The following SLC2A12 variants were observed in gnomAD, a reference collection of about 807,000 sequenced individuals.
SLC2A12 encodes the protein solute carrier family 2 member 12.
In SLC2A12, 23 loss-of-function variants were observed where a neutral mutation model predicts 41.8. The observed-to-expected ratio is 0.55, with a 90% CI of 0.40 to 0.78. The LOEUF is 0.78. SLC2A12 is among the 30% of genes least tolerant of loss of function. The pLI is 0.00. For synonymous variants in SLC2A12, 295 were observed against 285.9 expected (o/e 1.03, Z -0.32); for missense variants, 654 against 745.6 (o/e 0.88, Z 1.43).
At chr6:134,002,850 A>G (rs1776768841) in intron 3 of SLC2A12, among the ~76,000 whole-genome samples, 1 of 152,218 alleles carries the variant, frequency 6.6e-6, no homozygotes, top group Admixed American at 6.5e-5. Context: ...TCTCATCTGC[A>G]AACCTAGTTT....
At chr6:134,018,124 CCT>C (rs1345121976) in intron 2 of SLC2A12, among the ~76,000 whole-genome samples, 1 of 152,044 alleles carries the variant, frequency 6.6e-6, no homozygotes, top group African/African-American at 2.4e-5. Context: ...TTAAGCACAT[CCT>C]ATGTGTCCCA....
intron 1 of SLC2A12, among the ~76,000 whole-genome samples, chr6:134,051,192 C>T (rs1023299229): frequency 6.6e-6 from 1 of 152,176 alleles, no homozygotes; most frequent in Non-Finnish European, 1.5e-5. Flanking sequence ...TCCCAAAGTG[C>T]TGAGATTACA....
At chr6:134,045,872 A>C (rs1777449106) in intron 1 of SLC2A12, among the ~76,000 whole-genome samples, 1 of 152,212 alleles carries the variant, frequency 6.6e-6, no homozygotes, top group African/African-American at 2.4e-5. Flanking sequence ...TTCCAGCATA[A>C]CAATTGTGTC....
intron 4 of SLC2A12, among the ~76,000 whole-genome samples, chr6:134,000,674 C>T (rs927468219): frequency 2.6e-5 from 4 of 152,136 alleles, no homozygotes; most frequent in Non-Finnish European, 5.9e-5. Context: ...CTCACCTCTT[C>T]CCCCAGGACA....
chr6:134,041,864 C>A (rs1777385933), intron 1 of SLC2A12, among the ~76,000 whole-genome samples: 1 of 152,104 alleles, frequency 6.6e-6, no homozygotes, highest in Non-Finnish European at 1.5e-5. Context: ...GGAGAATAAA[C>A]CCGCAGCTGT....
At chr6:134,049,156 G>A (rs1327036289) in intron 1 of SLC2A12, among the ~76,000 whole-genome samples, 2 of 152,300 alleles carry the variant, frequency 1.3e-5, no homozygotes, top group South Asian at 2.1e-4. Context: ...GAGCAGAAGC[G>A]TGTATTTCTT....
At chr6:133,999,457 G>T (rs543532464) in intron 4 of SLC2A12, among the ~76,000 whole-genome samples, 1 of 152,188 alleles carries the variant, frequency 6.6e-6, no homozygotes, top group Non-Finnish European at 1.5e-5. Context: ...CTGGCCTCAG[G>T]ACTTGTGCTG....
At chr6:134,001,234 C>T (rs1776750723) in intron 4 of SLC2A12, among the ~76,000 whole-genome samples, 1 of 152,048 alleles carries the variant, frequency 6.6e-6, no homozygotes. Context: ...ATGGGTGCAC[C>T]AAAATCTCAC....
chr6:134,042,812 A>G (rs1777400672), intron 1 of SLC2A12, among the ~76,000 whole-genome samples: 1 of 152,054 alleles, frequency 6.6e-6, no homozygotes, highest in Non-Finnish European at 1.5e-5. Flanking sequence ...TAAAAATACA[A>G]AAAAATTAGC....
intron 3 of SLC2A12, 139 bp downstream of exon 3, chr6:134,006,673 G>T (rs965039779): frequency 1.9e-6 from 2 of 1,044,274 alleles, no homozygotes; most frequent in East Asian, 2.7e-5. Flanking sequence ...TTGGGTCATG[G>T]GTACTTCAGG....
rs1328794210 is a variant in SLC2A12 at position 134,008,860 on chromosome 6, A to G, written c.1445-1926T>C. Among the ~76,000 whole-genome samples, 4 of 152,184 alleles carry G rather than the reference A, an allele frequency of 2.6e-5. No homozygotes were observed. In the East Asian group the frequency reaches 7.7e-4, roughly 29 times the overall value. ...GGTCCCTACAACCATTTGCTTTAAC[A>G]GCCATGAGGAGGAGGTGGGGTAAAG... On this transcript the variant is annotated intron_variant, in intron 2 of 4. Transcript: ENST00000275230.
chr6:134,049,891 C>T (rs994386847), intron 1 of SLC2A12, among the ~76,000 whole-genome samples: 3 of 152,146 alleles, frequency 2.0e-5, no homozygotes, highest in Non-Finnish European at 4.4e-5. Flanking sequence ...TTACCTTGTC[C>T]TGAGTTATAT....
chr6:134,015,018 A>C (rs1328462730), intron 2 of SLC2A12, among the ~76,000 whole-genome samples: 2 of 152,262 alleles, frequency 1.3e-5, no homozygotes, highest in South Asian at 2.1e-4. Context: ...ACAGAACCAC[A>C]TGAATGCTGT....
chr6:134,003,746 C>T (rs540154763), intron 3 of SLC2A12, among the ~76,000 whole-genome samples: 1 of 152,330 alleles, frequency 6.6e-6, no homozygotes, highest in African/African-American at 2.4e-5. Context: ...GAACACACTG[C>T]AATTTTTAAA....
intron 1 of SLC2A12, among the ~76,000 whole-genome samples, chr6:134,047,475 A>C (rs908794403): frequency 2.6e-5 from 4 of 152,102 alleles, no homozygotes; most frequent in Non-Finnish European, 5.9e-5. Flanking sequence ...AAAAATTGCA[A>C]TTTCAAGTTG....
chr6:134,000,763 A>G (rs1474923310), intron 4 of SLC2A12, among the ~76,000 whole-genome samples: 1 of 152,232 alleles, frequency 6.6e-6, no homozygotes, highest in Non-Finnish European at 1.5e-5. Context: ...TTTCACTTCT[A>G]AGTTAAATTG....
intron 2 of SLC2A12, among the ~76,000 whole-genome samples, chr6:134,014,801 T>C (rs1776933669): frequency 6.6e-6 from 1 of 152,242 alleles, no homozygotes; most frequent in African/African-American, 2.4e-5. Flanking sequence ...TGACGTATTA[T>C]GTGAGCAGTT....
intron 2 of SLC2A12, among the ~76,000 whole-genome samples, chr6:134,010,262 T>G (rs1043296156): frequency 6.6e-6 from 1 of 152,176 alleles, no homozygotes; most frequent in Non-Finnish European, 1.5e-5. Context: ...AATTAAATTA[T>G]TGCCACAGGG....
chr6:134,029,018 A>G lies in SLC2A12; in HGVS notation c.807T>C (p.Phe269=), dbSNP rs758197189. The G allele has an allele frequency of 1.8e-5, 29 of 1,614,240 alleles. No homozygotes were observed. The highest frequency in any genetic ancestry group is 2.4e-5 in the Non-Finnish European group (28 of 1,180,036). Residue 269 remains phenylalanine (F), a synonymous_variant, in exon 2 of 5, where the codon TTT becomes TTC. Coordinates refer to ENST00000275230, the MANE Select transcript of SLC2A12 (RefSeq NM_145176.3). ...GGGTCCGCATGTTGTCTTTTGAACG[A>G]AACAGATCCCAAAAACTGTACTGAT... ...DEYQYSFWDL[F]RSKDNMRTRI...
Sources: allele counts gnomAD v4.1 joint callset (sites outside exome capture counted in the v4.1 genomes callset), GRCh38; gene constraint gnomAD v4.1.1; transcripts MANE v1.5; gene names NCBI Gene and HGNC (gene_info 2026-07-23, HGNC 2026-07-21).